TTC27: variants seen among roughly 807,000 people sequenced by gnomAD.
TTC27 encodes tetratricopeptide repeat protein 27.
TTC27 carries 79 observed loss-of-function variants against 115.9 expected under a neutral mutation model. The ratio of observed to expected loss-of-function variants is 0.68; its 90% CI spans 0.57 to 0.82. The LOEUF is 0.82. Ranked by LOEUF, TTC27 falls within the 40% of genes least tolerant of loss-of-function variation. The probability of loss-of-function intolerance (pLI) is 0.00; values close to 1 mark genes in which losing one functional copy is unlikely to be tolerated. For missense variants in TTC27, 1,054 were observed against 993.1 expected (o/e 1.06, Z -0.82); for synonymous variants, 401 against 356.0 (o/e 1.13, Z -1.42).
intron 15 of TTC27, among the ~76,000 whole-genome samples, chr2:32,786,138 T>C (rs1329576509): frequency 6.6e-6 from 1 of 152,010 alleles, no homozygotes; most frequent in Non-Finnish European, 1.5e-5. Flanking sequence ...TTTTTTTTTT[T>C]TAACATGGAG....
chr2:32,733,412 T>C (rs1668357260), intron 10 of TTC27, among the ~76,000 whole-genome samples: 1 of 152,216 alleles, frequency 6.6e-6, no homozygotes, highest in South Asian at 2.1e-4. Context: ...TTCATTTTAT[T>C]CCTGAGCAAA....
intron 4 of TTC27, among the ~76,000 whole-genome samples, chr2:32,640,994 AAACAAC>A (rs994331105): frequency 4.6e-5 from 7 of 152,054 alleles, no homozygotes; most frequent in East Asian, 1.9e-4. Flanking sequence ...AAACAAAACA[AAACAAC>A]AACAACAACA....
At chr2:32,698,165 T>C (rs1440670379) in intron 9 of TTC27, among the ~76,000 whole-genome samples, 1 of 152,146 alleles carries the variant, frequency 6.6e-6, no homozygotes, top group East Asian at 1.9e-4. Flanking sequence ...AGGGTCTCAC[T>C]CTGTTCAGCC....
chr2:32,714,093 A>G (rs914098269), intron 10 of TTC27, among the ~76,000 whole-genome samples: 5 of 151,624 alleles, frequency 3.3e-5, no homozygotes. Flanking sequence ...TGCAAAGAAC[A>G]TAATCTTGTT....
At chr2:32,780,655 G>C (rs1670145126) in intron 14 of TTC27, among the ~76,000 whole-genome samples, 1 of 152,046 alleles carries the variant, frequency 6.6e-6, no homozygotes, top group Non-Finnish European at 1.5e-5. Flanking sequence ...GGCCAGACTA[G>C]TCTCAAACTC....
chr2:32,810,356 A>G lies in TTC27; in HGVS notation c.1999-668A>G, dbSNP rs140228186. 2.8e-4 allele frequency among the ~76,000 whole-genome samples: 43 copies of G among 152,286 alleles called. No individual in the cohort carries two copies. In the East Asian group the frequency reaches 7.0e-3, roughly 25 times the overall value. On this transcript the variant is annotated intron_variant, in intron 16 of 19. Coordinates refer to ENST00000317907, the MANE Select transcript of TTC27 (RefSeq NM_017735.5). ...ATTGTTTTCAACAACGTTGTTTTCA[A>G]TGTTGTCCTAAATAGGACATTAGGA...
In TTC27 at chr2:32,726,749, G is replaced by T. The variant is rs558143241; in HGVS notation, c.1234-7079G>T. Reference sequence around the variant, plus strand: ...CCTACTCTACTGGTACCAATTTACTGTGTTAGTCCATTTTCATGCTGCTGA... The same window carrying T: ...CCTACTCTACTGGTACCAATTTACTTTGTTAGTCCATTTTCATGCTGCTGA... On this transcript the variant is annotated intron_variant, in intron 10 of 19. Transcript: ENST00000317907. Among the ~76,000 whole-genome samples the T allele has an allele frequency of 1.5e-4, 23 of 152,248 alleles. No homozygotes were observed. The South Asian group carries it at 2.1e-3, about 14-fold the overall frequency.
At chr2:32,663,684 T>TATG (rs1559194133) in intron 5 of TTC27, among the ~76,000 whole-genome samples, 39 of 144,922 alleles carry the variant, frequency 2.7e-4, no homozygotes, top group Non-Finnish European at 1.1e-4. Context: ...ATGTATGTAT[T>TATG]TATTTATTTA....
At chr2:32,735,089 A>T (rs986009276) in intron 11 of TTC27, among the ~76,000 whole-genome samples, 2 of 152,198 alleles carry the variant, frequency 1.3e-5, no homozygotes, top group African/African-American at 2.4e-5. Flanking sequence ...ATAAATGCCA[A>T]CCCACCATCC....
intron 16 of TTC27, among the ~76,000 whole-genome samples, chr2:32,797,807 C>T (rs1436101124): frequency 6.6e-6 from 1 of 152,050 alleles, no homozygotes; most frequent in African/African-American, 2.4e-5. Flanking sequence ...AAAACAGTAT[C>T]AACGGAGTAA....
At chr2:32,704,859 AGGTG>A (rs1292828066) in intron 10 of TTC27, 1 of 471,218 alleles carries the variant, frequency 2.1e-6, no homozygotes, top group Admixed American at 2.3e-5. Flanking sequence ...TTCTTCCCTC[AGGTG>A]GCACATGATG....
At chr2:32,812,177 C>G (rs927089) in intron 17 of TTC27, among the ~76,000 whole-genome samples, 41,912 of 152,064 alleles carry the variant, frequency 0.28, 6,206 homozygotes, top group South Asian at 0.52. Flanking sequence ...AAGTTCATGC[C>G]TCATTCTCTA....
rs528359013 is a variant in TTC27 at position 32,633,765 on chromosome 2, A to T, written c.267-111A>T. The T allele has an allele frequency of 4.6e-6, 6 of 1,292,126 alleles. No homozygotes were observed. The East Asian group carries it at 9.8e-5, about 21-fold the overall frequency. 80.0% of individuals were successfully genotyped at this position (1,292,126 alleles called of 1,614,324 possible). The stretch of plus-strand genomic sequence containing the variant: ...TTGGTAATACTCTAGGATAGTCTCA[A>T]TAAATGTTGATAGATATTATTTTCT... On this transcript the variant is annotated intron_variant, in intron 2 of 19. Transcript: ENST00000317907.
chr2:32,717,116 G>A (rs952798261), intron 10 of TTC27, among the ~76,000 whole-genome samples: 1 of 151,028 alleles, frequency 6.6e-6, no homozygotes, highest in Non-Finnish European at 1.5e-5. Flanking sequence ...TGATCCTCCT[G>A]TTTCAGCCCC....
intron 12 of TTC27, among the ~76,000 whole-genome samples, chr2:32,743,511 C>A (rs1437396117): frequency 6.6e-6 from 1 of 152,130 alleles, no homozygotes; most frequent in Non-Finnish European, 1.5e-5. Context: ...AAAACCATAT[C>A]ATCATAAATA....
intron 16 of TTC27, among the ~76,000 whole-genome samples, chr2:32,800,150 G>A (rs112174894): frequency 6.6e-6 from 1 of 152,166 alleles, no homozygotes; most frequent in African/African-American, 2.4e-5. Flanking sequence ...TGTAAAGGGC[G>A]GGGAACAGTA....
Position 32,787,008 on chromosome 2 carries a change from AGAAGCTCTCAAGTGTAACTAT to A in TTC27, c.1861_1881del (p.Ala621_Glu627del). ...GAGTAAAAGCTTTTAGAACTTTACAAGAAGCTCTCAAGTGTAACTATGAACACTGGCAGATTTGGGAAAACT... is the reference window on the plus strand; with the variant it reads ...GAGTAAAAGCTTTTAGAACTTTACAAGAACACTGGCAGATTTGGGAAAACT... On this transcript the variant is annotated inframe_deletion, in exon 16 of 20. Coordinates refer to ENST00000317907, the MANE Select transcript of TTC27 (RefSeq NM_017735.5). 6.2e-7 allele frequency: 1 copy of A among 1,612,940 alleles called. No individual in the cohort carries two copies. Among genetic ancestry groups the A allele is most frequent in the Non-Finnish European group, 8.5e-7 (1 of 1,179,724 alleles).
intron 16 of TTC27, among the ~76,000 whole-genome samples, chr2:32,790,864 CTT>C (rs1338888248): frequency 1.3e-5 from 2 of 152,108 alleles, no homozygotes; most frequent in Non-Finnish European, 2.9e-5. Context: ...TACATGGACT[CTT>C]TATGGTTTTC....
intron 16 of TTC27, among the ~76,000 whole-genome samples, chr2:32,788,864 T>C (rs1218662640): frequency 1.3e-5 from 2 of 150,028 alleles, no homozygotes; most frequent in African/African-American, 5.0e-5. Context: ...TTTGCTCTTA[T>C]TCTCCTTCGC....
Sources: gnomAD v4.1 joint callset for allele counts (sites outside exome capture counted in the v4.1 genomes callset) on GRCh38, gnomAD v4.1.1 for gene constraint, MANE v1.5 for transcripts, NCBI Gene and HGNC (gene_info 2026-07-23, HGNC 2026-07-21) for gene names.